The following RBBP8 variants were observed in gnomAD, a reference collection of about 807,000 sequenced individuals.
The protein encoded by RBBP8 is DNA endonuclease RBBP8.
RBBP8 carries 88 observed loss-of-function variants against 108.3 expected under a neutral mutation model. The observed-to-expected ratio is 0.81, with a 90% CI of 0.68 to 0.97. The LOEUF (loss-of-function observed/expected upper bound fraction) is 0.97. Ranked by LOEUF, RBBP8 falls within the 50% of genes least tolerant of loss-of-function variation. The probability of loss-of-function intolerance (pLI) is 0.00; values close to 1 mark genes in which losing one functional copy is unlikely to be tolerated. For missense variants in RBBP8, 1,023 were observed against 1,049.0 expected (o/e 0.98, Z 0.34); for synonymous variants, 332 against 348.2 (o/e 0.95, Z 0.52).
Position 22,997,536 on chromosome 18 carries a change from T to C in RBBP8, c.2029-84T>C, listed in dbSNP as rs143354180. Reference sequence around the variant, plus strand: ...TTGTAAAATGTATGTTATGTATATTTTACCAAAATGTTTTGTAAAAATTAA... The same window carrying C: ...TTGTAAAATGTATGTTATGTATATTCTACCAAAATGTTTTGTAAAAATTAA... On this transcript the variant is annotated intron_variant, in intron 13 of 18. Transcript: ENST00000327155. 384 of 882,982 alleles carry C rather than the reference T, an allele frequency of 4.3e-4. 2 individuals carry two copies. In the African/African-American group the frequency reaches 6.0e-3, roughly 14 times the overall value. 54.7% of individuals were successfully genotyped at this position (882,982 alleles called of 1,614,324 possible).
intron 14 of RBBP8, among the ~76,000 whole-genome samples, chr18:22,998,021 T>C (rs1251031671): frequency 2.6e-5 from 4 of 152,242 alleles, no homozygotes; most frequent in Non-Finnish European, 5.9e-5. Context: ...CACAGCCTTA[T>C]TCATTTCTTT....
intron 4 of RBBP8, among the ~76,000 whole-genome samples, chr18:22,965,112 TC>T (rs1428149301): frequency 2.0e-4 from 31 of 152,156 alleles, no homozygotes; most frequent in African/African-American, 7.5e-4. Flanking sequence ...CTTACTGTAT[TC>T]TTCATAATTT....
chr18:22,917,712 AT>A, intron 3 of RBBP8, among the ~76,000 whole-genome samples: 1 of 152,238 alleles, frequency 6.6e-6, no homozygotes, highest in Non-Finnish European at 1.5e-5. Context: ...TTAAGATATA[AT>A]GTTGGGGCCG....
At chr18:22,953,868 G>A (rs930635419) in intron 4 of RBBP8, among the ~76,000 whole-genome samples, 1 of 152,018 alleles carries the variant, frequency 6.6e-6, no homozygotes, top group African/African-American at 2.4e-5. Context: ...GGAGGCCTCA[G>A]GAAACTTACA....
upstream of RBBP8, among the ~76,000 whole-genome samples, chr18:22,931,057 G>GT (rs1910005372): frequency 3.9e-5 from 6 of 152,244 alleles, no homozygotes; most frequent in South Asian, 1.2e-3. Flanking sequence ...CCAAGACGTG[G>GT]TTTTTTATCT....
intron 15 of RBBP8, chr18:23,004,937 C>T (rs151172555): frequency 0.016 from 2,457 of 152,644 alleles, 75 homozygotes; most frequent in African/African-American, 0.057. Context: ...CCGAGGCAGG[C>T]GGATCACAAA....
In RBBP8 at chr18:22,992,980, T is replaced by G; in HGVS notation, c.1153T>G (p.Phe385Val). 1 of 1,613,686 alleles carries G rather than the reference T, an allele frequency of 6.2e-7. No homozygotes were observed. Among genetic ancestry groups the G allele is most frequent in the Non-Finnish European group, 8.5e-7 (1 of 1,179,606 alleles). Residue 385 changes from phenylalanine (F) to valine (V), a missense_variant, in exon 11 of 19, where the codon TTC becomes GTC. Coordinates refer to ENST00000327155, the MANE Select transcript of RBBP8 (RefSeq NM_002894.3). ...TRSKSEDSALFTHHSLGSEVN... is the reference protein window; with the variant it reads ...TRSKSEDSALVTHHSLGSEVN... ...ATCAAAATCTGAAGATAGTGCCCTT[T>G]TCACACATCACAGTCTTGGGTCTGA...
At chr18:23,001,274 G>C (rs1375570616) in intron 14 of RBBP8, among the ~76,000 whole-genome samples, 1 of 152,174 alleles carries the variant, frequency 6.6e-6, no homozygotes, top group Admixed American at 6.5e-5. Context: ...ACTCTGCAAA[G>C]TAAGGCCTGT....
intron 3 of RBBP8, among the ~76,000 whole-genome samples, chr18:22,947,403 G>A (rs566110225): frequency 1.4e-3 from 206 of 149,514 alleles, no homozygotes; most frequent in Non-Finnish European, 2.2e-3. Context: ...TGATTTAAAA[G>A]TAATGAAAAA....
Position 23,006,843 on chromosome 18 carries a change from T to C in RBBP8, c.2357+411T>C, listed in dbSNP as rs139636215. ...TCAGAGTATCTCTAAACTGTTAAAT[T>C]GCTACTTTGGTTAAATTAAAATTAT... On this transcript the variant is annotated intron_variant, in intron 16 of 18. Coordinates refer to ENST00000327155, the MANE Select transcript of RBBP8 (RefSeq NM_002894.3). Among the ~76,000 whole-genome samples the C allele has an allele frequency of 8.4e-4, 127 of 151,810 alleles. No homozygotes were observed. In the Middle Eastern group the frequency reaches 0.017, roughly 20 times the overall value.
At position 22,937,047 on chromosome 18, in the gene RBBP8, A is replaced by G. The variant is rs1434788079; in HGVS notation, c.109+87A>G. ...CCTTTGTATGACAGTCCTGTTTATT[A>G]TTTCTATTTCAGCTTTTAGGTTCCG... On this transcript the variant is annotated intron_variant, in intron 2 of 18. Coordinates refer to ENST00000327155, the MANE Select transcript of RBBP8 (RefSeq NM_002894.3). 4 of 1,572,944 alleles carry G rather than the reference A, an allele frequency of 2.5e-6. No individual in the cohort carries two copies. In the African/African-American group the frequency reaches 5.4e-5, roughly 21 times the overall value.
At chr18:22,957,401 G>A (rs1279922913) in intron 4 of RBBP8, among the ~76,000 whole-genome samples, 2 of 140,482 alleles carry the variant, frequency 1.4e-5, no homozygotes, top group East Asian at 4.6e-4. Context: ...CACATTGTAA[G>A]TAAACAGTGA....
intron 15 of RBBP8, among the ~76,000 whole-genome samples, chr18:23,002,742 A>G (rs574269993): frequency 1.7e-4 from 26 of 152,230 alleles, no homozygotes; most frequent in African/African-American, 5.8e-4. Context: ...CTGTGGCACA[A>G]TCTTGATTAT....
At chr18:23,020,916 G>A (rs1285894347) in intron 17 of RBBP8, among the ~76,000 whole-genome samples, 7 of 152,212 alleles carry the variant, frequency 4.6e-5, no homozygotes, top group African/African-American at 1.7e-4. Flanking sequence ...TTAGGGCAGT[G>A]AGAATGATGA....
Position 22,933,579 on chromosome 18 carries a change from TCTCTTTAC to T in RBBP8, c.-99+17_-99+24del, listed in dbSNP as rs71890133. Reference sequence around the variant, plus strand: ...TCTCGGAGGCGGTGAGTAAAAGCAATCTCTTTACCCCACCCGGAGCTCTGGGTCGGAGC... The same window carrying T: ...TCTCGGAGGCGGTGAGTAAAAGCAATCCCACCCGGAGCTCTGGGTCGGAGC... On this transcript the variant is annotated intron_variant, in intron 1 of 18. Transcript: ENST00000327155. The T allele has an allele frequency of 0.022, 3,378 of 152,862 alleles. 117 individuals carry two copies. Among genetic ancestry groups the T allele is most frequent in the African/African-American group, 0.077 (3,199 of 41,366 alleles). 9.5% of individuals were successfully genotyped at this position (152,862 alleles called of 1,614,324 possible). A position where few individuals can be genotyped will look rare whatever the true frequency, so the allele number is the denominator to read the frequency against.
At chr18:22,926,554 G>T (rs1362729432) in intron 3 of RBBP8, among the ~76,000 whole-genome samples, 2 of 152,202 alleles carry the variant, frequency 1.3e-5, no homozygotes, top group East Asian at 3.8e-4. Context: ...CAAGTATAAA[G>T]AGATAGTTCC....
intron 4 of RBBP8, among the ~76,000 whole-genome samples, chr18:22,953,121 C>T (rs1409840135): frequency 1.3e-5 from 2 of 152,090 alleles, no homozygotes; most frequent in Non-Finnish European, 1.5e-5. Context: ...ATGCCTCTAA[C>T]TCTGTGAAGA....
intron 14 of RBBP8, among the ~76,000 whole-genome samples, chr18:23,000,727 C>A (rs1398936981): frequency 2.9e-5 from 4 of 138,228 alleles, no homozygotes; most frequent in African/African-American, 8.2e-5. Context: ...GGTGACAGAG[C>A]AAGACTCCGT....
At chr18:22,989,120 A>G (rs1176876246) in intron 8 of RBBP8, 101 bp from the exon 9 acceptor site, 1 of 806,196 alleles carries the variant, frequency 1.2e-6, no homozygotes, top group Non-Finnish European at 2.0e-6. Flanking sequence ...ATGAAGTGTG[A>G]GCCTTTTCCT....
Sources: allele counts gnomAD v4.1 joint callset (sites outside exome capture counted in the v4.1 genomes callset), GRCh38; gene constraint gnomAD v4.1.1; transcripts MANE v1.5; gene names NCBI Gene and HGNC (gene_info 2026-07-23, HGNC 2026-07-21).